Variants in SHPK observed in about 807,000 individuals in gnomAD.
SHPK encodes carbohydrate kinase-like protein.
In SHPK, 51 loss-of-function variants were observed where a neutral mutation model predicts 46.3. The observed-to-expected ratio is 1.10, with a 90% CI of 0.88 to 1.39. SHPK has a LOEUF of 1.39. Among genes scored for constraint, SHPK ranks in the 40% most tolerant of loss-of-function variants. The pLI, the probability that SHPK is intolerant of heterozygous loss-of-function variation, is 0.00. For missense variants in SHPK, 668 were observed against 641.3 expected (o/e 1.04, Z -0.45); for synonymous variants, 290 against 273.9 (o/e 1.06, Z -0.58).
At chr17:3,626,441 C>T (rs545050543) in intron 2 of SHPK, among the ~76,000 whole-genome samples, 1 of 152,102 alleles carries the variant, frequency 6.6e-6, no homozygotes, top group Non-Finnish European at 1.5e-5. Flanking sequence ...GCTCATCGGG[C>T]GCAGTGGCTC....
intron 2 of SHPK, among the ~76,000 whole-genome samples, chr17:3,625,319 G>C (rs1597575054): frequency 6.6e-6 from 1 of 152,160 alleles, no homozygotes; most frequent in African/African-American, 2.4e-5. Context: ...TTGGTGACGT[G>C]CTTGACCAGG....
At chr17:3,631,464 C>T (rs1323540827) in intron 1 of SHPK, among the ~76,000 whole-genome samples, 2 of 144,378 alleles carry the variant, frequency 1.4e-5, no homozygotes, top group African/African-American at 2.6e-5. Flanking sequence ...AAACATGCAC[C>T]GGACTACAAT....
rs1417188515 is a variant in SHPK, at chr17:3,609,419, C to T, written c.*1141G>A. ...GCCAGGCCTGCCTGAGCCTGGGCTC[C>T]TTTGGGAGTCTAGAAGTAGATGCGG... is the stretch of plus-strand genomic sequence containing the variant. On this transcript the variant is annotated 3_prime_UTR_variant, in exon 7 of 7. Transcript: ENST00000225519. The T allele has an allele frequency of 6.6e-6, 1 of 151,914 alleles. No homozygotes were observed. Among genetic ancestry groups the T allele is most frequent in the East Asian group, 1.9e-4 (1 of 5,184 alleles). 9.4% of individuals were successfully genotyped at this position (151,914 alleles called of 1,614,324 possible).
intron 2 of SHPK, among the ~76,000 whole-genome samples, chr17:3,626,230 T>C (rs1442369306): frequency 6.6e-6 from 1 of 152,224 alleles, no homozygotes; most frequent in Non-Finnish European, 1.5e-5. Context: ...AGAATATATC[T>C]AGCTGGGGGT....
intron 6 of SHPK, among the ~76,000 whole-genome samples, chr17:3,612,109 T>G (rs2075343671): frequency 6.7e-6 from 1 of 149,822 alleles, no homozygotes; most frequent in African/African-American, 2.4e-5. Context: ...CCGCCAGCTC[T>G]GCATTCTTAA....
At chr17:3,617,092 G>A (rs1011835963) in intron 5 of SHPK, among the ~76,000 whole-genome samples, 5 of 151,966 alleles carry the variant, frequency 3.3e-5, no homozygotes, top group South Asian at 2.1e-4. Context: ...GGCTGGTCTC[G>A]AACTCCTGGC....
chr17:3,624,334 C>T (rs2075420505), intron 2 of SHPK, 103 bp from the exon 3 acceptor site: 5 of 1,095,934 alleles, frequency 4.6e-6, no homozygotes, highest in Admixed American at 5.0e-5. Flanking sequence ...ATGTGCGAAT[C>T]GTCCCATGAT....
In SHPK at chr17:3,609,075, G is replaced by T. The variant is rs937985858; in HGVS notation, c.*1485C>A. The T allele has an allele frequency of 6.6e-6, 1 of 152,156 alleles. No individual in the cohort carries two copies. The highest frequency in any genetic ancestry group is 1.5e-5 in the Non-Finnish European group (1 of 68,074). The allele number at this position is 152,156 out of a possible 1,614,324, so 9.4% of individuals were successfully genotyped here. On this transcript the variant is annotated 3_prime_UTR_variant, in exon 7 of 7. Coordinates refer to ENST00000225519, the MANE Select transcript of SHPK (RefSeq NM_013276.4). Reference sequence around the variant, plus strand: ...CCCGGCTTGTATTTTTAGTAGAGACGGGGTATCCCCATGTTGGTCAGGCTG... The same window carrying T: ...CCCGGCTTGTATTTTTAGTAGAGACTGGGTATCCCCATGTTGGTCAGGCTG...
At chr17:3,612,993 G>A (rs879636223) in intron 6 of SHPK, among the ~76,000 whole-genome samples, 7 of 152,084 alleles carry the variant, frequency 4.6e-5, no homozygotes, top group Admixed American at 6.6e-5. Flanking sequence ...TTCGTGATCC[G>A]CCCACCTCGG....
chr17:3,628,951 C>A (rs1010515222), intron 2 of SHPK, among the ~76,000 whole-genome samples: 4 of 152,106 alleles, frequency 2.6e-5, no homozygotes, highest in Non-Finnish European at 5.9e-5. Context: ...CCATGCCCGG[C>A]CTTAAAAAGT....
chr17:3,636,070 G>A lies in SHPK; in HGVS notation c.150C>T (p.Ser50=). 6.3e-7 allele frequency: 1 copy of A among 1,579,324 alleles called. No individual in the cohort carries two copies. ...RAARAEAAVE[S]AVAGPQGREQ... is the part of the protein sequence containing the mutation. ...AACTCACCTGGGGCCCGGCCACCGC[G>A]CTCTCGACCGCCGCCTCTGCCCGCG... The change falls in exon 1 of 7, where the codon AGC becomes AGT. Residue 50 remains serine, a synonymous_variant. Transcript: ENST00000225519.
chr17:3,615,180 C>G (rs2075364691), intron 6 of SHPK, among the ~76,000 whole-genome samples, 157 bp downstream of exon 6: 1 of 152,122 alleles, frequency 6.6e-6, no homozygotes, highest in African/African-American at 2.4e-5. Flanking sequence ...GCTGCAAGCT[C>G]AGATCCCAAA....
At chr17:3,619,253 T>A (rs780756178) in intron 5 of SHPK, 2 of 695,458 alleles carry the variant, frequency 2.9e-6, no homozygotes, top group Non-Finnish European at 5.0e-6. Flanking sequence ...TTGGAAGAAA[T>A]CACACAGAAG....
chr17:3,627,389 C>T (rs546824083), intron 2 of SHPK, among the ~76,000 whole-genome samples: 1 of 152,148 alleles, frequency 6.6e-6, no homozygotes, highest in African/African-American at 2.4e-5. Context: ...GCACTTAGCT[C>T]TCTGCTCAAG....
intron 2 of SHPK, among the ~76,000 whole-genome samples, chr17:3,628,751 T>G (rs2075453322): frequency 6.6e-6 from 1 of 152,110 alleles, no homozygotes; most frequent in Non-Finnish European, 1.5e-5. Flanking sequence ...AGGACTCCAG[T>G]GATCCTCTCA....
rs759424694 is a variant in SHPK at position 3,636,138 on chromosome 17, C to T, written c.82G>A (p.Asp28Asn). 2 of 1,611,666 alleles carry T rather than the reference C, an allele frequency of 1.2e-6. No homozygotes were observed. Among genetic ancestry groups the T allele is most frequent in the East Asian group, 2.2e-5 (1 of 44,790 alleles). Residue 28 changes from aspartate to asparagine, a missense_variant, in exon 1 of 7, where the codon GAC becomes AAC. Asp to Asn is a conservative substitution (Grantham distance 23). Coordinates refer to ENST00000225519, the MANE Select transcript of SHPK (RefSeq NM_013276.4). ...KAALLRAAPD[D>N]PSGFAVLASC... ...GCCAGCACTGCGAACCCGGATGGGT[C>T]GTCGGGCGCGGCCCTCAGCAGAGCT... is the stretch of plus-strand genomic sequence containing the variant.
At chr17:3,631,539 T>TTTTTTTTTTG (rs1555555401) in intron 1 of SHPK, among the ~76,000 whole-genome samples, 1 of 127,536 alleles carries the variant, frequency 7.8e-6, no homozygotes, top group African/African-American at 2.9e-5. Context: ...TTTTTTTTTT[T>TTTTTTTTTTG]AGCGATAGAG....
chr17:3,633,277 G>A (rs11653218), intron 1 of SHPK, among the ~76,000 whole-genome samples: 8,651 of 151,776 alleles, frequency 0.057, 252 homozygotes, highest in Middle Eastern at 0.11. Flanking sequence ...CACCGCGCCC[G>A]GCCACAGATA....
chr17:3,617,779 G>C (rs1454419687), intron 5 of SHPK, among the ~76,000 whole-genome samples: 1 of 152,036 alleles, frequency 6.6e-6, no homozygotes, highest in Non-Finnish European at 1.5e-5. Context: ...TGAATCTGCT[G>C]ACATTTTTGC....
Sources: allele counts gnomAD v4.1 joint callset (sites outside exome capture counted in the v4.1 genomes callset), GRCh38; gene constraint gnomAD v4.1.1; transcripts MANE v1.5; gene names NCBI Gene and HGNC (gene_info 2026-07-23, HGNC 2026-07-21).